The following UBE3A variants were observed in gnomAD, a reference collection of about 807,000 sequenced individuals.
UBE3A encodes the protein ubiquitin protein ligase E3A, also known as ubiquitin-protein ligase E3A.
In UBE3A, 6 loss-of-function variants were observed where a neutral mutation model predicts 83.4. That is an observed-to-expected ratio of 0.07 (90% CI 0.04 to 0.14). The LOEUF is 0.14. Ranked by LOEUF, UBE3A falls within the 10% of genes least tolerant of loss-of-function variation. The pLI is 1.00. For synonymous variants in UBE3A, 337 were observed against 355.4 expected (o/e 0.95, Z 0.58); for missense variants, 456 against 1,036.1 (o/e 0.44, Z 7.69).
At chr15:25,408,432 T>C (rs1205809483) in intron 3 of UBE3A, 3 of 761,714 alleles carry the variant, frequency 3.9e-6, no homozygotes, top group Non-Finnish European at 6.6e-6. Flanking sequence ...TATCCTAAAG[T>C]GTGTCAGAAT....
chr15:25,386,479 T>C (rs577873160), intron 4 of UBE3A, among the ~76,000 whole-genome samples: 1 of 151,992 alleles, frequency 6.6e-6, no homozygotes, highest in Non-Finnish European at 1.5e-5. Flanking sequence ...AAAGTAGAGA[T>C]GAAAATCCTA....
At chr15:25,437,573 T>C (rs1048285534) in intron 1 of UBE3A, among the ~76,000 whole-genome samples, 7 of 152,204 alleles carry the variant, frequency 4.6e-5, no homozygotes, top group African/African-American at 9.6e-5. Context: ...GTAAACCCCA[T>C]ATGCTATTAG....
At chr15:25,348,666 CAA>C (rs1491559772) in intron 11 of UBE3A, among the ~76,000 whole-genome samples, 8 of 151,982 alleles carry the variant, frequency 5.3e-5, no homozygotes, top group Non-Finnish European at 1.0e-4. Context: ...GATTTTATTT[CAA>C]GATAGTAATA....
At chr15:25,432,117 G>A (rs1893644093) in intron 1 of UBE3A, among the ~76,000 whole-genome samples, 1 of 152,204 alleles carries the variant, frequency 6.6e-6, no homozygotes, top group Admixed American at 6.5e-5. Flanking sequence ...TACATGCAGT[G>A]CCAAAGGAAT....
intron 4 of UBE3A, among the ~76,000 whole-genome samples, chr15:25,376,137 T>C (rs973783494): frequency 2.0e-5 from 3 of 152,168 alleles, no homozygotes; most frequent in Non-Finnish European, 2.9e-5. Context: ...TTTTAAAAAT[T>C]AGCATTAGGA....
chr15:25,408,537 T>C (rs541661536), intron 3 of UBE3A: 6 of 1,548,344 alleles, frequency 3.9e-6, no homozygotes, highest in South Asian at 3.4e-5. Context: ...AGGTCTTGAT[T>C]TGAATCGCAG....
At chr15:25,396,003 G>A (rs936435991) in intron 4 of UBE3A, among the ~76,000 whole-genome samples, 1 of 152,108 alleles carries the variant, frequency 6.6e-6, no homozygotes, top group Non-Finnish European at 1.5e-5. Context: ...AGGAGTTCAA[G>A]ACCAGCCTGG....
chr15:25,398,818 A>C (rs950060832), intron 4 of UBE3A, among the ~76,000 whole-genome samples: 23 of 67,022 alleles, frequency 3.4e-4, no homozygotes, highest in Admixed American at 1.6e-3. Context: ...TATATATAAA[A>C]ATACATATAT....
chr15:25,383,945 C>T (rs1424501202), intron 4 of UBE3A, among the ~76,000 whole-genome samples: 1 of 151,852 alleles, frequency 6.6e-6, no homozygotes, highest in African/African-American at 2.4e-5. Context: ...GTTGAAAACT[C>T]TAGCCTACCA....
intron 1 of UBE3A, among the ~76,000 whole-genome samples, chr15:25,412,645 T>A (rs1032024009): frequency 2.6e-5 from 4 of 152,130 alleles, no homozygotes; most frequent in African/African-American, 9.7e-5. Flanking sequence ...TTGTATACAA[T>A]CAGAACATTC....
At chr15:25,375,204 T>C (rs935515730) in intron 5 of UBE3A, 1 of 444,842 alleles carries the variant, frequency 2.2e-6, no homozygotes, top group African/African-American at 2.0e-5. Flanking sequence ...TACCACTTAA[T>C]ACATTTTTCC....
chr15:25,406,392 C>T (rs961443846), intron 3 of UBE3A, among the ~76,000 whole-genome samples: 7 of 152,088 alleles, frequency 4.6e-5, no homozygotes, highest in Admixed American at 1.3e-4. Flanking sequence ...TACTACTGCT[C>T]TCTCATGTAG....
At chr15:25,355,229 G>A (rs1473935818) in intron 9 of UBE3A, among the ~76,000 whole-genome samples, 3 of 152,090 alleles carry the variant, frequency 2.0e-5, no homozygotes, top group African/African-American at 7.2e-5. Flanking sequence ...AGAATATTTG[G>A]TAAGCTGCCT....
chr15:25,390,940 A>T (rs528734025), intron 4 of UBE3A, among the ~76,000 whole-genome samples: 31 of 113,600 alleles, frequency 2.7e-4, no homozygotes, highest in African/African-American at 2.8e-4. Flanking sequence ...GAACTCCTGT[A>T]AAAAAAAAAA....
At chr15:25,400,013 T>G (rs1234714215) in intron 4 of UBE3A, among the ~76,000 whole-genome samples, 1 of 152,240 alleles carries the variant, frequency 6.6e-6, no homozygotes, top group Non-Finnish European at 1.5e-5. Context: ...CTTATGTGGT[T>G]CCATATAAAT....
At position 25,337,150 on chromosome 15, in the gene UBE3A, A is replaced by G. The variant is rs1318725784; in HGVS notation, c.*1987T>C. The G allele has an allele frequency of 1.3e-5, 2 of 152,186 alleles. No individual in the cohort carries two copies. Among genetic ancestry groups the G allele is most frequent in the African/African-American group, 4.8e-5 (2 of 41,432 alleles). 9.4% of individuals were successfully genotyped at this position (152,186 alleles called of 1,614,324 possible). Reference sequence around the variant, plus strand: ...ACTCTATATCTGATAACCTATTTCAATTACCACTTTAAAACTTGTCATATG... The same window carrying G: ...ACTCTATATCTGATAACCTATTTCAGTTACCACTTTAAAACTTGTCATATG... On this transcript the variant is annotated 3_prime_UTR_variant, in exon 13 of 13. Transcript: ENST00000648336.
In UBE3A at chr15:25,354,370, C is replaced by G; in HGVS notation, c.2337G>C (p.Arg779Ser). The G allele has an allele frequency of 6.2e-7, 1 of 1,613,466 alleles. No individual in the cohort carries two copies. ...ETTEYDGGYT[R>S]DSVLIREFWE... The stretch of plus-strand genomic sequence containing the variant: ...TACCTCACCTAATCAGAACAGAGTC[C>G]CTGGTATAGCCACCGTCATATTCTG... Residue 779 changes from arginine (R) to serine (S), a missense_variant, in exon 11 of 13, where the codon AGG (arginine) becomes AGC (serine). This residue lies in a region of UBE3A where 82 missense variants were observed against 199.3 expected (regional missense o/e 0.41). Coordinates refer to ENST00000648336, the MANE Select transcript of UBE3A (RefSeq NM_130839.5).
At chr15:25,364,696 T>A (rs2078775708) in intron 6 of UBE3A, among the ~76,000 whole-genome samples, 1 of 146,990 alleles carries the variant, frequency 6.8e-6, no homozygotes, top group East Asian at 2.0e-4. Flanking sequence ...CAGGCTGGAG[T>A]GCAGTGGCGC....
intron 3 of UBE3A, 22 bp from the exon 4 acceptor site, chr15:25,405,524 CAGTT>C: frequency 6.2e-7 from 1 of 1,612,890 alleles, no homozygotes; most frequent in Non-Finnish European, 8.5e-7. Flanking sequence ...AATTGAGAAA[CAGTT>C]AGCAAAATAT....
Sources: allele counts gnomAD v4.1 joint callset (sites outside exome capture counted in the v4.1 genomes callset), GRCh38; gene constraint gnomAD v4.1.1; regional missense constraint gnomAD v4.1.1; transcripts MANE v1.5; gene names NCBI Gene and HGNC (gene_info 2026-07-23, HGNC 2026-07-21).